DOCK8: variants seen among roughly 807,000 people sequenced by gnomAD.
DOCK8 encodes the protein dedicator of cytokinesis protein 8.
In DOCK8, 141 loss-of-function variants were observed where a neutral mutation model predicts 245.6. The ratio of observed to expected loss-of-function variants is 0.57; its 90% confidence interval spans 0.50 to 0.66. The LOEUF (loss-of-function observed/expected upper bound fraction) is 0.66, where lower values mean the gene tolerates loss of function less well. Ranked by LOEUF, DOCK8 falls within the 30% of genes least tolerant of loss-of-function variation. The pLI is 0.00. For missense variants in DOCK8, 2,965 were observed against 2,603.4 expected, an observed-to-expected ratio of 1.14 and a Z score of -3.02; for synonymous variants, 1,168 against 970.2, an observed-to-expected ratio of 1.20 and a Z score of -3.79.
Position 336,828 on chromosome 9 carries a change from ACT to A in DOCK8, c.1422+115_1422+116del, listed in dbSNP as rs2051333904. The A allele has an allele frequency of 3.9e-6, 5 of 1,289,466 alleles. No homozygotes were observed. In the Admixed American group the frequency reaches 6.8e-5, roughly 17 times the overall value. 79.9% of individuals were successfully genotyped at this position (1,289,466 alleles called of 1,614,324 possible). A position where few individuals can be genotyped will look rare whatever the true frequency, so the allele number is the denominator to read the frequency against. On this transcript the variant is annotated intron_variant, in intron 12 of 47. Coordinates refer to ENST00000432829, the MANE Select transcript of DOCK8 (RefSeq NM_203447.4). ...TTAAGAGAGCAAATTAGTTAAGCTCACTCTCTTAGTTCATTTTCTGCTGCTTA... is the reference window on the plus strand; with the variant it reads ...TTAAGAGAGCAAATTAGTTAAGCTCACTCTTAGTTCATTTTCTGCTGCTTA...
chr9:389,917 T>A (rs1188759290), intron 23 of DOCK8, among the ~76,000 whole-genome samples: 1 of 151,612 alleles, frequency 6.6e-6, no homozygotes, highest in Admixed American at 6.6e-5. Context: ...CCCAGCTACT[T>A]GGGACTAAAG....
Position 333,298 on chromosome 9 carries a change from G to A in DOCK8, c.1125+820G>A, listed in dbSNP as rs114326294. ...ACAGCAATTTGCAAAGATTCCCAGTGTGATTTTTAAAACATGGCCTTGGCC... is the reference window on the plus strand; with the variant it reads ...ACAGCAATTTGCAAAGATTCCCAGTATGATTTTTAAAACATGGCCTTGGCC... On this transcript the variant is annotated intron_variant, in intron 10 of 47. Transcript: ENST00000432829. Among the ~76,000 whole-genome samples the A allele has an allele frequency of 2.8e-3, 423 of 152,362 alleles. 2 individuals are homozygous for A. The highest frequency in any genetic ancestry group is 9.9e-3 in the African/African-American group (412 of 41,592).
intron 1 of DOCK8, among the ~76,000 whole-genome samples, chr9:269,897 G>T (rs1330832808): frequency 6.6e-6 from 1 of 152,152 alleles, no homozygotes; most frequent in Non-Finnish European, 1.5e-5. Flanking sequence ...ATACCTTTGA[G>T]TGGAATTGCT....
At chr9:336,509 A>G in intron 11 of DOCK8, 73 bp from the exon 12 acceptor site, 2 of 1,593,012 alleles carry the variant, frequency 1.3e-6, no homozygotes, top group East Asian at 2.2e-5. Context: ...AATCATACAT[A>G]TTGTGAAGTT....
At chr9:338,826 T>A (rs2051440128) in intron 12 of DOCK8, among the ~76,000 whole-genome samples, 180 bp from the exon 13 acceptor site, 2 of 152,120 alleles carry the variant, frequency 1.3e-5, no homozygotes, top group South Asian at 4.1e-4. Context: ...TGAGTCACAG[T>A]GATTGAGAAG....
chr9:216,550 A>AAAAAAAAAAAAAAAAAAAAC (rs2046758261), intron 1 of DOCK8, among the ~76,000 whole-genome samples: 1 of 151,430 alleles, frequency 6.6e-6, no homozygotes, highest in African/African-American at 2.4e-5. Flanking sequence ...AAAAAAAAAA[A>AAAAAAAAAAAAAAAAAAAAC]AAAAAGCAAA....
At chr9:346,099 G>C (rs906600853) in intron 14 of DOCK8, among the ~76,000 whole-genome samples, 16 of 151,830 alleles carry the variant, frequency 1.1e-4, no homozygotes, top group Non-Finnish European at 7.4e-5. Flanking sequence ...CCAGAGCCAG[G>C]CAGGACACTC....
rs1053832149 is a variant in DOCK8 at position 463,605 on chromosome 9, C to A, written c.6157C>A (p.Leu2053Ile). The A allele has an allele frequency of 2.0e-5, 33 of 1,613,930 alleles. No individual in the cohort carries two copies. The highest frequency in any genetic ancestry group is 2.7e-5 in the Non-Finnish European group (32 of 1,180,034). ...QQELKKNYNK[L>I]KENLRPMIER... ...GGAACTCAAAAAGAACTATAACAAG[C>A]TAAAAGAGAACCTCAGGCCAATGAT... The change falls in exon 47 of 48, where the codon CTA becomes ATA. Residue 2053 changes from leucine (L) to isoleucine (I), a missense_variant. By Grantham distance (5) the Leu-to-Ile change is conservative. This residue lies in a region of DOCK8 where 134 missense variants were observed against 128.1 expected (regional missense o/e 1.05). Transcript: ENST00000432829.
chr9:327,008 T>C (rs957050187), intron 8 of DOCK8, among the ~76,000 whole-genome samples: 1 of 152,216 alleles, frequency 6.6e-6, no homozygotes, highest in Non-Finnish European at 1.5e-5. Context: ...ACTGTTCACA[T>C]CATGCTCTTG....
intron 28 of DOCK8, among the ~76,000 whole-genome samples, chr9:408,965 G>C (rs962528807): frequency 6.6e-6 from 1 of 152,046 alleles, no homozygotes; most frequent in African/African-American, 2.4e-5. Context: ...AACTCCTTTG[G>C]CAACACAGTA....
intron 1 of DOCK8, among the ~76,000 whole-genome samples, chr9:230,769 G>T (rs374575329): frequency 1.1e-4 from 17 of 151,806 alleles, no homozygotes; most frequent in Non-Finnish European, 1.6e-4. Context: ...TCTTGTAAAT[G>T]TGTTTGAGTT....
intron 4 of DOCK8, among the ~76,000 whole-genome samples, 196 bp from the exon 5 acceptor site, chr9:304,385 A>G (rs970454655): frequency 6.6e-6 from 1 of 152,174 alleles, no homozygotes; most frequent in Non-Finnish European, 1.5e-5. Context: ...CCAGGGGGTA[A>G]ATTTGTATCT....
At position 443,420 on chromosome 9, in the gene DOCK8, T is replaced by A. The variant is rs184867151; in HGVS notation, c.5491-7T>A. ...ACCTTTATAAACTGTTGGTTCTTCT[T>A]ACCTAGGCATTTTATGGTCAATGTT... is the stretch of plus-strand genomic sequence containing the variant. On this transcript the variant is annotated splice_polypyrimidine_tract_variant and splice_region_variant and intron_variant, in intron 42 of 47. Coordinates refer to ENST00000432829, the MANE Select transcript of DOCK8 (RefSeq NM_203447.4). 9.4e-5 allele frequency: 152 copies of A among 1,613,502 alleles called. 2 individuals are homozygous for A. The East Asian group carries it at 2.8e-3, about 30-fold the overall frequency.
rs780285682 is a variant in DOCK8 at position 312,164 on chromosome 9, G to A, written c.739G>A (p.Glu247Lys). ...ELFALYPSVD[E>K]EDAVEIRPVP... is the part of the protein sequence containing the mutation. ...CTTTGCCCTTTACCCATCAGTGGAC[G>A]AGGTGGGTGCCACTGTTTCCATACT... The change falls in exon 6 of 48, where the codon GAG (glutamate) becomes AAG (lysine). Residue 247 changes from glutamate to lysine, a missense_variant and splice_region_variant. Around this residue, in one of 3 missense-constraint regions of DOCK8, gnomAD observed 2,825 missense variants for 2,453.5 expected, o/e 1.15. Transcript: ENST00000432829. The A allele has an allele frequency of 1.3e-5, 21 of 1,613,940 alleles. No individual in the cohort carries two copies. The highest frequency in any genetic ancestry group is 1.6e-4 in the Middle Eastern group (1 of 6,084).
intron 1 of DOCK8, among the ~76,000 whole-genome samples, chr9:244,704 T>C (rs1336944619): frequency 1.3e-5 from 2 of 152,058 alleles, no homozygotes; most frequent in African/African-American, 4.8e-5. Flanking sequence ...GTCTGCATGG[T>C]TCCTCCCTAG....
chr9:315,635 T>G (rs2050309978), intron 6 of DOCK8, among the ~76,000 whole-genome samples: 1 of 152,218 alleles, frequency 6.6e-6, no homozygotes, highest in Non-Finnish European at 1.5e-5. Flanking sequence ...GGAAGTTGCT[T>G]CTATGTAATC....
rs200319877 is a variant in DOCK8 at position 417,160 on chromosome 9, TG to T, written c.3701-906del. 4.7e-3 allele frequency among the ~76,000 whole-genome samples: 716 copies of T among 152,212 alleles called. 2 individuals carry two copies. The highest frequency in any genetic ancestry group is 0.016 in the African/African-American group (644 of 41,530). ...AAATACAAAAGTTAGCCAGGCGTGG[TG>T]GCGCACCTGTAATCCCAGCTACTCG... On this transcript the variant is annotated intron_variant, in intron 29 of 47. Coordinates refer to ENST00000432829, the MANE Select transcript of DOCK8 (RefSeq NM_203447.4).
rs1388275651 is a variant in DOCK8 at position 312,079 on chromosome 9, T to C, written c.654T>C (p.Ser218=). 6 of 1,614,152 alleles carry C rather than the reference T, an allele frequency of 3.7e-6. No homozygotes were observed. Among genetic ancestry groups the C allele is most frequent in the Non-Finnish European group, 5.1e-6 (6 of 1,180,032 alleles). The part of the protein sequence containing the change: ...KRLENLLQQV[S]AEDFEKQNEE... The stretch of plus-strand genomic sequence containing the variant: ...TAGAAAACCTCCTGCAGCAAGTGAG[T>C]GCCGAGGACTTTGAGAAGCAGAACG... Residue 218 remains serine (S), a synonymous_variant, in exon 6 of 48, where the codon AGT becomes AGC. Transcript: ENST00000432829.
chr9:444,251 C>T (rs1032563167), intron 43 of DOCK8, among the ~76,000 whole-genome samples: 13 of 151,912 alleles, frequency 8.6e-5, no homozygotes, highest in African/African-American at 2.4e-4. Context: ...GAGGGACCCC[C>T]AGGCCAGCCA....
Sources: allele counts gnomAD v4.1 joint callset (sites outside exome capture counted in the v4.1 genomes callset), GRCh38; gene constraint gnomAD v4.1.1; regional missense constraint gnomAD v4.1.1; transcripts MANE v1.5; gene names NCBI Gene and HGNC (gene_info 2026-07-23, HGNC 2026-07-21).